Variants in TMEM163 observed in about 807,000 individuals in gnomAD.
TMEM163 encodes the protein transmembrane protein 163.
TMEM163 carries 17 observed loss-of-function variants against 29.3 expected under a neutral mutation model. The observed-to-expected ratio is 0.58, with a 90% CI of 0.40 to 0.87. The LOEUF is 0.87. Among genes scored for constraint, TMEM163 ranks in the 40% least tolerant of loss-of-function variants. The pLI, the probability that TMEM163 is intolerant of heterozygous loss-of-function variation, is 0.00. For missense variants in TMEM163, 303 were observed against 381.5 expected, an observed-to-expected ratio of 0.79 and a Z score of 1.71; for synonymous variants, 157 against 160.6, an observed-to-expected ratio of 0.98 and a Z score of 0.17.
chr2:134,479,242 C>T (rs1260628103), intron 5 of TMEM163, among the ~76,000 whole-genome samples: 2 of 152,182 alleles, frequency 1.3e-5, no homozygotes, highest in African/African-American at 4.8e-5. Context: ...TTCAGGGAAG[C>T]GTAGAAGATG....
At chr2:134,557,484 A>G (rs1328017983) in intron 2 of TMEM163, among the ~76,000 whole-genome samples, 1 of 152,170 alleles carries the variant, frequency 6.6e-6, no homozygotes. Flanking sequence ...GGTTTTATAC[A>G]TTTTAGGGAG....
Position 134,546,395 on chromosome 2 carries a change from C to A in TMEM163, c.458+4175G>T, listed in dbSNP as rs189378055. Among the ~76,000 whole-genome samples, 18 of 152,316 alleles carry A rather than the reference C, an allele frequency of 1.2e-4. No individual in the cohort carries two copies. In the East Asian group the frequency reaches 3.3e-3, roughly 28 times the overall value. ...TGGTGCCTCACACCTGTAATACCAG[C>A]ACTTTGAGAGGTCAAGGCAGGCAGA... On this transcript the variant is annotated intron_variant, in intron 4 of 7. Coordinates refer to ENST00000281924, the MANE Select transcript of TMEM163 (RefSeq NM_030923.5).
intron 2 of TMEM163, among the ~76,000 whole-genome samples, chr2:134,623,716 G>C (rs1006826897): frequency 6.6e-6 from 1 of 152,072 alleles, no homozygotes; most frequent in Non-Finnish European, 1.5e-5. Context: ...ACGGTGAGCC[G>C]AGATAGCGCC....
chr2:134,572,139 T>C (rs77989151), intron 2 of TMEM163, among the ~76,000 whole-genome samples: 1 of 152,164 alleles, frequency 6.6e-6, no homozygotes, highest in Non-Finnish European at 1.5e-5. Context: ...AAAAGAGAAC[T>C]GAGCCCTGAG....
At chr2:134,496,925 G>T (rs1679578251) in intron 5 of TMEM163, among the ~76,000 whole-genome samples, 1 of 151,946 alleles carries the variant, frequency 6.6e-6, no homozygotes, top group Admixed American at 6.6e-5. Flanking sequence ...AGAACCTGTG[G>T]CCCCCTCTGC....
chr2:134,661,984 T>G lies in TMEM163; in HGVS notation c.322+51216A>C, dbSNP rs189934608. 2.4e-3 allele frequency among the ~76,000 whole-genome samples: 337 copies of G among 142,562 alleles called. 1 individual carries two copies. Among genetic ancestry groups the G allele is most frequent in the African/African-American group, 8.7e-3 (326 of 37,598 alleles). 93.5% of individuals were successfully genotyped at this position (142,562 alleles called of 152,430 possible). A position where few individuals can be genotyped will look rare whatever the true frequency, so the allele number is the denominator to read the frequency against. On this transcript the variant is annotated intron_variant, in intron 2 of 7. Coordinates refer to ENST00000281924, the MANE Select transcript of TMEM163 (RefSeq NM_030923.5). ...TCTTGCTCTGTCACCCAGGCTGGAG[T>G]GCAGTGGCGCAATCTAGGCTCACTG... is the stretch of plus-strand genomic sequence containing the variant.
chr2:134,498,820 G>A (rs879457990), intron 5 of TMEM163, among the ~76,000 whole-genome samples: 1 of 152,254 alleles, frequency 6.6e-6, no homozygotes. Context: ...GCCCTCAGGA[G>A]TGTGGGGAGA....
intron 2 of TMEM163, among the ~76,000 whole-genome samples, chr2:134,578,762 G>A (rs1681620114): frequency 6.6e-6 from 1 of 152,154 alleles, no homozygotes; most frequent in African/African-American, 2.4e-5. Context: ...GAGTGTGTGT[G>A]TGTGCATGTG....
At chr2:134,585,613 G>A (rs989846223) in intron 2 of TMEM163, among the ~76,000 whole-genome samples, 24 of 152,168 alleles carry the variant, frequency 1.6e-4, no homozygotes, top group Admixed American at 3.9e-4. Context: ...GCGGTGGCGG[G>A]CACCTGTAGT....
intron 2 of TMEM163, among the ~76,000 whole-genome samples, chr2:134,570,187 G>A (rs1202480464): frequency 1.3e-5 from 2 of 152,150 alleles, no homozygotes; most frequent in African/African-American, 4.8e-5. Context: ...TGCTGATGTT[G>A]CTAAGATCTA....
chr2:134,606,494 GCCCA>G (rs1682365005), intron 2 of TMEM163, among the ~76,000 whole-genome samples: 1 of 152,050 alleles, frequency 6.6e-6, no homozygotes, highest in South Asian at 2.1e-4. Flanking sequence ...GTCTCTCCTG[GCCCA>G]CCCTGCAGAA....
intron 2 of TMEM163, among the ~76,000 whole-genome samples, chr2:134,647,376 T>G (rs975653903): frequency 6.6e-5 from 10 of 152,230 alleles, no homozygotes; most frequent in Admixed American, 5.9e-4. Context: ...CCAGCATCCC[T>G]CACCTCTCAA....
chr2:134,708,428 AT>A (rs1356673510), intron 2 of TMEM163, among the ~76,000 whole-genome samples: 1 of 152,166 alleles, frequency 6.6e-6, no homozygotes, highest in Non-Finnish European at 1.5e-5. Context: ...ATATCTTACC[AT>A]TTTTAAGGGT....
chr2:134,493,583 A>G (rs1424705597), intron 5 of TMEM163, among the ~76,000 whole-genome samples: 1 of 152,022 alleles, frequency 6.6e-6, no homozygotes, highest in East Asian at 1.9e-4. Flanking sequence ...CACGTTGGCC[A>G]GGAGTCTTGA....
At chr2:134,519,284 C>G (rs1166378942) in intron 4 of TMEM163, among the ~76,000 whole-genome samples, 1 of 152,202 alleles carries the variant, frequency 6.6e-6, no homozygotes, top group Non-Finnish European at 1.5e-5. Flanking sequence ...GTTGACGTTC[C>G]CCTCTCTTGG....
At chr2:134,476,860 G>A (rs1686928516) in intron 5 of TMEM163, among the ~76,000 whole-genome samples, 1 of 152,140 alleles carries the variant, frequency 6.6e-6, no homozygotes, top group African/African-American at 2.4e-5. Context: ...AGAAGCCTGG[G>A]TTCTACATGA....
chr2:134,553,782 C>A (rs1228795322), intron 2 of TMEM163, among the ~76,000 whole-genome samples: 1 of 152,176 alleles, frequency 6.6e-6, no homozygotes, highest in Non-Finnish European at 1.5e-5. Flanking sequence ...ATGGGACACA[C>A]AGGTATGGTG....
chr2:134,687,255 T>C (rs1172892096), intron 2 of TMEM163, among the ~76,000 whole-genome samples: 1 of 152,122 alleles, frequency 6.6e-6, no homozygotes, highest in East Asian at 1.9e-4. Flanking sequence ...TGATGGCTTT[T>C]AGAAATGGGG....
chr2:134,646,837 C>T (rs138693411), intron 2 of TMEM163, among the ~76,000 whole-genome samples: 1 of 152,152 alleles, frequency 6.6e-6, no homozygotes, highest in African/African-American at 2.4e-5. Flanking sequence ...TGAAGGCATA[C>T]AAGAAACAAT....
Sources: allele counts gnomAD v4.1 joint callset (sites outside exome capture counted in the v4.1 genomes callset), GRCh38; gene constraint gnomAD v4.1.1; transcripts MANE v1.5; gene names NCBI Gene and HGNC (gene_info 2026-07-23, HGNC 2026-07-21).